The following CENPW variants were observed in gnomAD, a reference collection of about 807,000 sequenced individuals.
The protein encoded by CENPW is cancer-up-regulated gene 2 protein.
Under a neutral mutation model 11.1 loss-of-function variants are expected in CENPW, and 3 were observed. The observed-to-expected ratio is 0.27, with a 90% CI of 0.12 to 0.70. The LOEUF (loss-of-function observed/expected upper bound fraction) is 0.70. Ranked by LOEUF, CENPW falls within the 30% of genes least tolerant of loss-of-function variation. The pLI is 0.77. For synonymous variants in CENPW, 38 were observed against 42.0 expected, an observed-to-expected ratio of 0.91 and a Z score of 0.37; for missense variants, 100 against 105.6, an observed-to-expected ratio of 0.95 and a Z score of 0.23.
At chr6:126,433,745 A>C in the CENPW span, among the ~76,000 whole-genome samples, 1 of 152,118 alleles carries the variant, frequency 6.6e-6, no homozygotes, top group African/African-American at 2.4e-5. Flanking sequence ...GGGAAAACGC[A>C]CAAAATATTA....
At chr6:126,394,255 G>A in the CENPW span, among the ~76,000 whole-genome samples, 2 of 151,226 alleles carry the variant, frequency 1.3e-5, no homozygotes, top group African/African-American at 4.9e-5. Flanking sequence ...ATTTTCTCTG[G>A]TGGTATGTTT....
the CENPW span, among the ~76,000 whole-genome samples, chr6:126,469,308 C>G: frequency 6.6e-6 from 1 of 152,122 alleles, no homozygotes; most frequent in South Asian, 2.1e-4. Flanking sequence ...TGCATGTGGG[C>G]TCCCTCTGTC....
the CENPW span, among the ~76,000 whole-genome samples, chr6:126,400,446 G>T: frequency 6.6e-6 from 1 of 151,732 alleles, no homozygotes; most frequent in African/African-American, 2.4e-5. Context: ...TTTACACCTG[G>T]GATATCAGTC....
At chr6:126,468,143 G>A in the CENPW span, among the ~76,000 whole-genome samples, 10 of 152,222 alleles carry the variant, frequency 6.6e-5, no homozygotes, top group African/African-American at 1.4e-4. Context: ...ACTTGGGCCC[G>A]GTGCTCTGGC....
At chr6:126,398,672 T>C in the CENPW span, among the ~76,000 whole-genome samples, 1 of 152,084 alleles carries the variant, frequency 6.6e-6, no homozygotes, top group Non-Finnish European at 1.5e-5. Context: ...ATTTCAACTT[T>C]CCTTTTAGGT....
At chr6:126,371,794 T>A in the CENPW span, among the ~76,000 whole-genome samples, 1 of 152,196 alleles carries the variant, frequency 6.6e-6, no homozygotes, top group African/African-American at 2.4e-5. Context: ...TATTTCTTCC[T>A]GGTTTAATCT....
At chr6:126,408,432 C>T in the CENPW span, among the ~76,000 whole-genome samples, 1 of 152,116 alleles carries the variant, frequency 6.6e-6, no homozygotes, top group Admixed American at 6.6e-5. Flanking sequence ...GACTTATTCA[C>T]TATCACGAGA....
chr6:126,397,419 C>T, the CENPW span, among the ~76,000 whole-genome samples: 1 of 152,174 alleles, frequency 6.6e-6, no homozygotes, highest in Admixed American at 6.5e-5. Context: ...CACCATGTGG[C>T]TGGTGCCAGG....
At chr6:126,466,961 G>A in the CENPW span, among the ~76,000 whole-genome samples, 74,839 of 151,776 alleles carry the variant, frequency 0.49, 19,531 homozygotes, top group East Asian at 0.97. Flanking sequence ...GATCTCTACA[G>A]TGAGAATTAC....
the CENPW span, among the ~76,000 whole-genome samples, chr6:126,358,450 G>A: frequency 4.6e-5 from 7 of 152,050 alleles, no homozygotes; most frequent in Admixed American, 1.3e-4. Flanking sequence ...CTTTTTCTGC[G>A]TTCCACTGAA....
downstream of CENPW, among the ~76,000 whole-genome samples, chr6:126,351,218 G>A (rs1780487514): frequency 2.0e-5 from 3 of 151,592 alleles, no homozygotes; most frequent in South Asian, 6.3e-4. Flanking sequence ...GTAGAAGTAG[G>A]TGATATTATC....
At chr6:126,445,690 T>C in the CENPW span, among the ~76,000 whole-genome samples, 1 of 151,148 alleles carries the variant, frequency 6.6e-6, no homozygotes, top group African/African-American at 2.4e-5. Flanking sequence ...TTACAATATA[T>C]AATACATATC....
the CENPW span, among the ~76,000 whole-genome samples, chr6:126,453,530 C>T: frequency 6.6e-6 from 1 of 151,112 alleles, no homozygotes; most frequent in Non-Finnish European, 1.5e-5. Flanking sequence ...ACCACTATAC[C>T]TGCCTTGCAA....
the CENPW span, among the ~76,000 whole-genome samples, chr6:126,476,448 T>C: frequency 6.6e-6 from 1 of 152,002 alleles, no homozygotes; most frequent in Non-Finnish European, 1.5e-5. Flanking sequence ...TTTCAACATC[T>C]TTAGTGTGGC....
At chr6:126,384,456 GC>G in the CENPW span, among the ~76,000 whole-genome samples, 31 of 151,884 alleles carry the variant, frequency 2.0e-4, no homozygotes, top group Non-Finnish European at 3.7e-4. Flanking sequence ...AGAATAGAGA[GC>G]CCAGAAATAA....
chr6:126,437,359 T>A, the CENPW span, among the ~76,000 whole-genome samples: 2 of 151,958 alleles, frequency 1.3e-5, no homozygotes, highest in African/African-American at 2.4e-5. Context: ...ATCATGCTCA[T>A]TTTTGACTCT....
chr6:126,435,774 C>T, the CENPW span, among the ~76,000 whole-genome samples: 2 of 151,786 alleles, frequency 1.3e-5, no homozygotes, highest in East Asian at 3.9e-4. Flanking sequence ...ACCTTTGGAC[C>T]ACTGCCCTTC....
the CENPW span, among the ~76,000 whole-genome samples, chr6:126,417,542 T>C: frequency 6.6e-6 from 1 of 151,826 alleles, no homozygotes; most frequent in South Asian, 2.1e-4. Context: ...CAGTGGGAGG[T>C]AATCAAATAA....
the CENPW span, among the ~76,000 whole-genome samples, chr6:126,471,948 T>G: frequency 6.6e-6 from 1 of 152,194 alleles, no homozygotes; most frequent in Admixed American, 6.6e-5. Flanking sequence ...GGGCTATAAA[T>G]CTCTTTGCTA....
Sources: gnomAD v4.1 joint callset for allele counts (sites outside exome capture counted in the v4.1 genomes callset) on GRCh38, gnomAD v4.1.1 for gene constraint, MANE v1.5 for transcripts, NCBI Gene and HGNC (gene_info 2026-07-23, HGNC 2026-07-21) for gene names.